FHAD1: variants seen among roughly 807,000 people sequenced by gnomAD.
FHAD1 encodes forkhead-associated domain-containing protein 1.
FHAD1 carries 146 observed loss-of-function variants against 191.3 expected under a neutral mutation model. The observed-to-expected ratio is 0.76, with a 90% CI of 0.67 to 0.88. The LOEUF is 0.88. Among genes scored for constraint, FHAD1 ranks in the 40% least tolerant of loss-of-function variants. The pLI, the probability that FHAD1 is intolerant of heterozygous loss-of-function variation, is 0.00. For synonymous variants in FHAD1, 616 were observed against 672.3 expected, an observed-to-expected ratio of 0.92 and a Z score of 1.29; for missense variants, 1,635 against 1,785.8, an observed-to-expected ratio of 0.92 and a Z score of 1.52.
chr1:15,265,617 T>C (rs1653055930), intron 2 of FHAD1, among the ~76,000 whole-genome samples: 1 of 152,050 alleles, frequency 6.6e-6, no homozygotes, highest in South Asian at 2.1e-4. Flanking sequence ...CTGAAAGTAA[T>C]GGGATTTGAG....
intron 16 of FHAD1, among the ~76,000 whole-genome samples, chr1:15,344,788 C>T (rs1688199008): frequency 6.6e-6 from 1 of 152,194 alleles, no homozygotes; most frequent in Non-Finnish European, 1.5e-5. Context: ...CGCATCCACC[C>T]CTCACATCAA....
At chr1:15,317,014 C>T (rs1674659075) in intron 9 of FHAD1, among the ~76,000 whole-genome samples, 1 of 152,054 alleles carries the variant, frequency 6.6e-6, no homozygotes, top group South Asian at 2.1e-4. Flanking sequence ...GGTGAAACCC[C>T]GTCTCTACTG....
At chr1:15,387,444 G>A (rs767227218) in intron 31 of FHAD1, among the ~76,000 whole-genome samples, 25 of 152,172 alleles carry the variant, frequency 1.6e-4, no homozygotes, top group Non-Finnish European at 3.4e-4. Flanking sequence ...ATGGATAGAA[G>A]ATGGCTCAAG....
chr1:15,372,499 G>A (rs1558259659), intron 26 of FHAD1, among the ~76,000 whole-genome samples: 1 of 152,110 alleles, frequency 6.6e-6, no homozygotes, highest in Non-Finnish European at 1.5e-5. Flanking sequence ...TTACCTGTCT[G>A]CCCCATAGAA....
chr1:15,284,488 A>G (rs1335759323), intron 3 of FHAD1, among the ~76,000 whole-genome samples: 1 of 151,450 alleles, frequency 6.6e-6, no homozygotes, highest in African/African-American at 2.4e-5. Flanking sequence ...CAAAAAAAAA[A>G]AAAAAAAATT....
At chr1:15,365,760 T>G in intron 23 of FHAD1, 67 bp from the exon 24 acceptor site, 3 of 968,440 alleles carry the variant, frequency 3.1e-6, no homozygotes, top group Non-Finnish European at 4.8e-6. Flanking sequence ...ACTTGGCCCC[T>G]CCTGACACTC....
At chr1:15,253,496 A>C (rs1303984661) in intron 2 of FHAD1, among the ~76,000 whole-genome samples, 1 of 152,188 alleles carries the variant, frequency 6.6e-6, no homozygotes, top group African/African-American at 2.4e-5. Flanking sequence ...TTTCATGAAT[A>C]CTTTGTAGCT....
At chr1:15,313,032 C>A in intron 7 of FHAD1, 25 bp from the exon 8 acceptor site, 2 of 1,551,070 alleles carry the variant, frequency 1.3e-6, no homozygotes, top group Non-Finnish European at 1.7e-6. Context: ...GCCTCTTTGA[C>A]CTCTGCGAGT....
intron 3 of FHAD1, among the ~76,000 whole-genome samples, chr1:15,286,284 C>G (rs1215595578): frequency 6.6e-6 from 1 of 152,192 alleles, no homozygotes; most frequent in Non-Finnish European, 1.5e-5. Context: ...AGGAGGATCA[C>G]TTCAGCCCAG....
chr1:15,263,585 A>C (rs1282413439), intron 2 of FHAD1, among the ~76,000 whole-genome samples: 62 of 141,956 alleles, frequency 4.4e-4, no homozygotes, highest in African/African-American at 1.5e-3. Flanking sequence ...GCAGTGGCGC[A>C]ATCTCGGCTC....
At position 15,382,055 on chromosome 1, in the gene FHAD1, C is replaced by T. The variant is rs1701041249; in HGVS notation, c.4050C>T (p.Tyr1350=). Reference sequence around the variant, plus strand: ...GGAGCAAAGTGTCCATTGAGATGTACCAGTCGCAGGTGGCAAAGCTGGAGG... The same window carrying T: ...GGAGCAAAGTGTCCATTGAGATGTATCAGTCGCAGGTGGCAAAGCTGGAGG... ...LRRSKVSIEM[Y]QSQVAKLEDD... is the part of the protein sequence containing the mutation. Residue 1350 remains tyrosine (Y), a synonymous_variant, in exon 31 of 34, where the codon TAC becomes TAT. Transcript: ENST00000688493. 1.9e-6 allele frequency: 3 copies of T among 1,551,956 alleles called. No homozygotes were observed.
chr1:15,387,937 T>C, intron 31 of FHAD1, 114 bp from the exon 32 acceptor site: 1 of 432,088 alleles, frequency 2.3e-6, no homozygotes, highest in Admixed American at 2.8e-5. Context: ...TCTGCCCACC[T>C]ATCTCAGTGA....
At chr1:15,314,579 ATG>A (rs1405111461) in intron 8 of FHAD1, 1 of 147,880 alleles carries the variant, frequency 6.8e-6, no homozygotes, top group Non-Finnish European at 1.5e-5. Context: ...CCTGGATTAC[ATG>A]TGTTGTCGCC....
intron 4 of FHAD1, among the ~76,000 whole-genome samples, chr1:15,293,468 T>C (rs968602480): frequency 9.9e-5 from 15 of 152,076 alleles, no homozygotes; most frequent in Admixed American, 2.0e-4. Context: ...GCCTGTAATC[T>C]CAGCACTTTG....
chr1:15,338,013 G>A (rs935799962), intron 14 of FHAD1, among the ~76,000 whole-genome samples: 11 of 152,054 alleles, frequency 7.2e-5, no homozygotes, highest in Admixed American at 3.9e-4. Flanking sequence ...GGAGTGTCAC[G>A]GCTTGACCTC....
rs1675148226 is a variant in FHAD1, at chr1:15,318,324, A to G, written c.1365+396A>G. Reference sequence around the variant, plus strand: ...ACCTGCGCTATCCATAACAGTAGCCACTAACCGCGCATGGCTATTTACATT... The same window carrying G: ...ACCTGCGCTATCCATAACAGTAGCCGCTAACCGCGCATGGCTATTTACATT... On this transcript the variant is annotated intron_variant, in intron 10 of 33. Transcript: ENST00000688493. The surrounding 1 kb of genome is among the most constrained non-coding windows in gnomAD (Gnocchi z 4.1). Among the ~76,000 whole-genome samples the G allele has an allele frequency of 6.6e-6, 1 of 152,236 alleles. No individual in the cohort carries two copies. Among genetic ancestry groups the G allele is most frequent in the Non-Finnish European group, 1.5e-5 (1 of 68,042 alleles).
chr1:15,331,007 C>T lies in FHAD1; in HGVS notation c.1906+1466C>T, dbSNP rs373451380. On this transcript the variant is annotated intron_variant, in intron 14 of 33. Coordinates refer to ENST00000688493, the MANE Select transcript of FHAD1 (RefSeq NM_001391957.1). The stretch of plus-strand genomic sequence containing the variant: ...GGGATGGAGAAAGAAGATTCAGGGG[C>T]GAGTAAGAGGTAAATCAACAGGCCT... Among the ~76,000 whole-genome samples, 27 of 151,804 alleles carry T rather than the reference C, an allele frequency of 1.8e-4. 1 individual carries two copies. The East Asian group carries it at 4.1e-3, about 23-fold the overall frequency.
chr1:15,355,448 G>C (rs58207246), intron 20 of FHAD1, among the ~76,000 whole-genome samples: 10,728 of 152,192 alleles, frequency 0.07, 1,016 homozygotes, highest in African/African-American at 0.22. Context: ...AAGGGAGAGA[G>C]GAGAGAGGAA....
At chr1:15,280,315 A>G (rs1660135829) in intron 3 of FHAD1, among the ~76,000 whole-genome samples, 1 of 152,124 alleles carries the variant, frequency 6.6e-6, no homozygotes, top group African/African-American at 2.4e-5. Flanking sequence ...CTGTGCTGTT[A>G]CAGCTCTTGG....
Sources: allele counts gnomAD v4.1 joint callset (sites outside exome capture counted in the v4.1 genomes callset), GRCh38; gene constraint gnomAD v4.1.1; non-coding constraint Gnocchi (gnomAD v3.1); transcripts MANE v1.5; gene names NCBI Gene and HGNC (gene_info 2026-07-23, HGNC 2026-07-21).